The following LPP variants were observed in gnomAD, a reference collection of about 807,000 sequenced individuals.
LPP encodes lipoma-preferred partner.
In LPP, 38 loss-of-function variants were observed where a neutral mutation model predicts 60.4. That is an observed-to-expected ratio of 0.63 (90% CI 0.49 to 0.83). The LOEUF (loss-of-function observed/expected upper bound fraction) is 0.83, where lower values mean the gene tolerates loss of function less well. Among genes scored for constraint, LPP ranks in the 40% least tolerant of loss-of-function variants. The pLI is 0.00. For missense variants in LPP, 902 were observed against 783.6 expected, an observed-to-expected ratio of 1.15 and a Z score of -1.80; for synonymous variants, 328 against 290.8, an observed-to-expected ratio of 1.13 and a Z score of -1.30.
At chr3:188,550,881 A>C (rs982782234) in intron 6 of LPP, among the ~76,000 whole-genome samples, 1 of 152,176 alleles carries the variant, frequency 6.6e-6, no homozygotes, top group African/African-American at 2.4e-5. Context: ...GTGTTATACT[A>C]CATTTTGAAA....
intron 4 of LPP, among the ~76,000 whole-genome samples, chr3:188,408,505 C>A (rs748166639): frequency 2.6e-5 from 4 of 152,108 alleles, no homozygotes; most frequent in Non-Finnish European, 5.9e-5. Flanking sequence ...AACATGCCAC[C>A]CCACACGTTT....
At chr3:188,369,406 A>G (rs1187414109) in intron 3 of LPP, among the ~76,000 whole-genome samples, 1 of 152,014 alleles carries the variant, frequency 6.6e-6, no homozygotes, top group Non-Finnish European at 1.5e-5. Context: ...TCTGCCAACT[A>G]GTAGTGAGAT....
intron 9 of LPP, among the ~76,000 whole-genome samples, chr3:188,846,767 G>A (rs564676089): frequency 1.3e-5 from 2 of 152,078 alleles, no homozygotes; most frequent in South Asian, 4.2e-4. Flanking sequence ...AGAATATAGG[G>A]TACCATAGGG....
chr3:188,780,288 C>T (rs890881536), intron 9 of LPP, among the ~76,000 whole-genome samples: 1 of 152,110 alleles, frequency 6.6e-6, no homozygotes, highest in East Asian at 1.9e-4. Flanking sequence ...GCTCTGAGAA[C>T]AACAATTTTT....
At chr3:188,431,367 A>G (rs1022508870) in intron 4 of LPP, among the ~76,000 whole-genome samples, 2 of 152,200 alleles carry the variant, frequency 1.3e-5, no homozygotes, top group African/African-American at 2.4e-5. Flanking sequence ...GCTGGGCACC[A>G]TGGAAGACCG....
intron 8 of LPP, among the ~76,000 whole-genome samples, chr3:188,748,515 G>A (rs900383425): frequency 1.3e-5 from 2 of 152,194 alleles, no homozygotes; most frequent in East Asian, 1.9e-4. Flanking sequence ...CGGGCACAGC[G>A]GCTCACACCT....
At chr3:188,592,044 A>G (rs1369434129) in intron 6 of LPP, among the ~76,000 whole-genome samples, 2 of 152,162 alleles carry the variant, frequency 1.3e-5, no homozygotes, top group East Asian at 1.9e-4. Context: ...AATCTTTTTA[A>G]CAGAAACAAA....
At chr3:188,737,192 A>T (rs1303752370) in intron 8 of LPP, among the ~76,000 whole-genome samples, 1 of 152,238 alleles carries the variant, frequency 6.6e-6, no homozygotes, top group African/African-American at 2.4e-5. Flanking sequence ...ATAAAAAGAA[A>T]TATATAGAAC....
At chr3:188,766,378 C>CAAAAAAA (rs142374028) in intron 9 of LPP, among the ~76,000 whole-genome samples, 1 of 124,670 alleles carries the variant, frequency 8.0e-6, no homozygotes, top group Non-Finnish European at 1.7e-5. Context: ...CCTTAAAAAG[C>CAAAAAAA]AAAAAAAAAA....
At chr3:188,600,137 A>G (rs1043106332) in intron 6 of LPP, among the ~76,000 whole-genome samples, 2 of 150,320 alleles carry the variant, frequency 1.3e-5, no homozygotes, top group African/African-American at 4.9e-5. Context: ...ACACATGGAC[A>G]TTGGAATACC....
chr3:188,208,550 G>T (rs960566470), intron 1 of LPP, among the ~76,000 whole-genome samples: 53 of 152,208 alleles, frequency 3.5e-4, no homozygotes, highest in Admixed American at 2.8e-3. Context: ...TTCCCCACGG[G>T]CTTATTTCAG....
intron 3 of LPP, among the ~76,000 whole-genome samples, chr3:188,385,990 AC>A (rs1274364453): frequency 1.3e-5 from 2 of 152,000 alleles, no homozygotes. Flanking sequence ...CTTCTCCCTC[AC>A]CCTGACTCCT....
At chr3:188,252,039 T>G (rs1482913166) in intron 2 of LPP, among the ~76,000 whole-genome samples, 1 of 63,660 alleles carries the variant, frequency 1.6e-5, no homozygotes, top group African/African-American at 9.7e-5. Flanking sequence ...CTGATATATA[T>G]ATATATATAT....
intron 9 of LPP, among the ~76,000 whole-genome samples, chr3:188,789,116 A>T (rs1742854684): frequency 6.6e-6 from 1 of 151,854 alleles, no homozygotes; most frequent in South Asian, 2.1e-4. Flanking sequence ...TTTAGCAACA[A>T]TGTATTTTTT....
At chr3:188,201,886 C>T (rs768683066) in intron 1 of LPP, among the ~76,000 whole-genome samples, 4 of 151,968 alleles carry the variant, frequency 2.6e-5, no homozygotes, top group South Asian at 2.1e-4. Flanking sequence ...TTGAAGACTA[C>T]GAGTGTGCTT....
chr3:188,404,844 CG>C (rs1783065183), intron 3 of LPP, among the ~76,000 whole-genome samples: 1 of 152,140 alleles, frequency 6.6e-6, no homozygotes, highest in Admixed American at 6.5e-5. Flanking sequence ...GCCTTCCGGG[CG>C]TCCCTGTGCT....
At chr3:188,194,287 C>A (rs1728947120) in intron 1 of LPP, among the ~76,000 whole-genome samples, 2 of 152,182 alleles carry the variant, frequency 1.3e-5, no homozygotes, top group South Asian at 4.1e-4. Flanking sequence ...AGCTTTACAC[C>A]TTTTCTAATT....
chr3:188,820,279 G>A (rs1753612297), intron 9 of LPP, among the ~76,000 whole-genome samples: 2 of 152,002 alleles, frequency 1.3e-5, no homozygotes, highest in African/African-American at 4.8e-5. Context: ...GTTTGTGTGT[G>A]TGTGTTTGTG....
At chr3:188,651,859 A>T (rs1032728236) in intron 7 of LPP, among the ~76,000 whole-genome samples, 3 of 152,222 alleles carry the variant, frequency 2.0e-5, no homozygotes, top group Non-Finnish European at 4.4e-5. Context: ...CAGTGTGTTT[A>T]TAATGGCACC....
Sources: allele counts gnomAD v4.1 joint callset (sites outside exome capture counted in the v4.1 genomes callset), GRCh38; gene constraint gnomAD v4.1.1; transcripts MANE v1.5; gene names NCBI Gene and HGNC (gene_info 2026-07-23, HGNC 2026-07-21).